The following KCNC4 variants were observed in gnomAD, a reference collection of about 807,000 sequenced individuals.
The protein encoded by KCNC4 is voltage-gated potassium channel KCNC4.
A neutral mutation model predicts 42.8 loss-of-function variants in KCNC4; 23 were observed. The observed-to-expected ratio is 0.54, with a 90% CI of 0.39 to 0.76. The LOEUF (loss-of-function observed/expected upper bound fraction) is 0.76. KCNC4 is among the 30% of genes least tolerant of loss of function. KCNC4 has a pLI of 0.00. For missense variants in KCNC4, 751 were observed against 898.2 expected, an observed-to-expected ratio of 0.84 and a Z score of 2.10; for synonymous variants, 422 against 393.5, an observed-to-expected ratio of 1.07 and a Z score of -0.86.
At chr1:110,242,261 G>GGA (rs1491453760) in exon 4 of KCNC4, 2 of 152,100 alleles carry the variant, frequency 1.3e-5, no homozygotes, top group African/African-American at 4.8e-5. Flanking sequence ...CAGCGGGGGG[G>GGA]GCTATATCCT....
At position 110,210,747 on chromosome 1, in the gene KCNC4, G is replaced by T. The variant is rs868117121; in HGVS notation, c.-753G>T. On this transcript the variant is annotated 5_prime_UTR_variant, in exon 1 of 4. Coordinates refer to ENST00000438661, the MANE Select transcript of KCNC4 (RefSeq NM_001039574.3). ...GCCCGGTCCGGCGCAGCTCCCAGCC[G>T]CGGACGCAGGACCCGAGGCTCGCTC... 1.3e-5 allele frequency among the ~76,000 whole-genome samples: 2 copies of T among 151,592 alleles called. No individual in the cohort carries two copies. Among genetic ancestry groups the T allele is most frequent in the African/African-American group, 4.8e-5 (2 of 41,442 alleles).
Position 110,210,454 on chromosome 1 carries a change from G to A in KCNC4, c.-1046G>A, listed in dbSNP as rs1391147756. Among the ~76,000 whole-genome samples the A allele has an allele frequency of 6.6e-6, 1 of 151,332 alleles. No homozygotes were observed. The highest frequency in any genetic ancestry group is 1.5e-5 in the Non-Finnish European group (1 of 67,740). ...GCGCGCGAGCCAAGGCCGGCGCCCC[G>A]CCCGGAGATGGGCAGACGCGTAGAT... On this transcript the variant is annotated 5_prime_UTR_variant, in exon 1 of 4. Transcript: ENST00000438661.
At chr1:110,256,229 C>T (rs778103084) in intron 1 of KCNC4, among the ~76,000 whole-genome samples, 2 of 152,080 alleles carry the variant, frequency 1.3e-5, no homozygotes, top group South Asian at 2.1e-4. Flanking sequence ...GTTAGACAAG[C>T]GAGATGAAAA....
intron 1 of KCNC4, among the ~76,000 whole-genome samples, chr1:110,279,861 C>T (rs12402414): frequency 0.29 from 40,570 of 141,530 alleles, 6,234 homozygotes; most frequent in Admixed American, 0.42. Flanking sequence ...TGCAGTAGCA[C>T]GATCTCAGCT....
rs779343443 is a variant in KCNC4, at chr1:110,223,937, C to A, written c.1615+37C>A. 2.3e-5 allele frequency: 34 copies of A among 1,497,718 alleles called. No homozygotes were observed. The highest frequency in any genetic ancestry group is 3.1e-5 in the Non-Finnish European group (34 of 1,097,386). The allele number at this position is 1,497,718 out of a possible 1,614,324, so 92.8% of individuals were successfully genotyped here. Reference sequence around the variant, plus strand: ...GGTTGGGAAGGAAAATCCCTTTTCCCCCAGTGGCCTAGGGAGTTTCCAAAT... The same window carrying A: ...GGTTGGGAAGGAAAATCCCTTTTCCACCAGTGGCCTAGGGAGTTTCCAAAT... On this transcript the variant is annotated intron_variant, in intron 2 of 3. Coordinates refer to ENST00000438661, the MANE Select transcript of KCNC4 (RefSeq NM_001039574.3). The surrounding 1 kb of genome is among the most constrained non-coding windows in gnomAD (Gnocchi z 7.5).
At chr1:110,258,683 T>C (rs181788530) in intron 1 of KCNC4, among the ~76,000 whole-genome samples, 2 of 152,372 alleles carry the variant, frequency 1.3e-5, no homozygotes, top group East Asian at 3.9e-4. Flanking sequence ...TCACCTAGGC[T>C]ATGCTGCTTT....
Position 110,226,065 on chromosome 1 carries a change from A to C in KCNC4, c.1706A>C (p.Glu569Ala). ...CCCCTGGCCTCCTCCCCGACCCCCG[A>C]GGAGCGCCGGGCCCTGCGACGCTCC... Reference protein sequence around the residue: ...TQPLASSPTPEERRALRRSTT... With the variant: ...TQPLASSPTPAERRALRRSTT... The change falls in exon 3 of 4, where the codon GAG becomes GCG. Residue 569 changes from glutamate to alanine, a missense_variant. Physicochemically the swap from Glu to Ala is moderately radical, Grantham distance 107. Around this residue, in one of 4 missense-constraint regions of KCNC4, gnomAD observed 202 missense variants for 181.5 expected, o/e 1.11. Coordinates refer to ENST00000438661, the MANE Select transcript of KCNC4 (RefSeq NM_001039574.3). 1 of 1,613,900 alleles carries C rather than the reference A, an allele frequency of 6.2e-7. No homozygotes were observed. Among genetic ancestry groups the C allele is most frequent in the Non-Finnish European group, 8.5e-7 (1 of 1,179,888 alleles).
chr1:110,232,466 A>G, intron 3 of KCNC4: 1 of 1,455,122 alleles, frequency 6.9e-7, no homozygotes, highest in South Asian at 1.4e-5. Context: ...CCTGTGAGCC[A>G]CAGGCCACAT....
downstream of KCNC4, among the ~76,000 whole-genome samples, chr1:110,250,067 C>A (rs1239348838): frequency 6.6e-6 from 1 of 152,252 alleles, no homozygotes; most frequent in Non-Finnish European, 1.5e-5. Context: ...TAGTCTCTGA[C>A]AACAGGAATG....
In KCNC4 at chr1:110,214,422, G is replaced by A. The variant is rs140711929; in HGVS notation, c.678+2245G>A. 2.1e-3 allele frequency among the ~76,000 whole-genome samples: 324 copies of A among 152,260 alleles called. 1 individual carries two copies. Among genetic ancestry groups the A allele is most frequent in the African/African-American group, 7.5e-3 (313 of 41,536 alleles). On this transcript the variant is annotated intron_variant, in intron 1 of 3. Coordinates refer to ENST00000438661, the MANE Select transcript of KCNC4 (RefSeq NM_001039574.3). ...CTCCTGCTCAGGAGCCCAGGCAAAG[G>A]CAACCCTCACCTGCTCCCGGGACAC... is the stretch of plus-strand genomic sequence containing the variant.
In KCNC4 at chr1:110,215,062, G is replaced by A. The variant is rs138435310; in HGVS notation, c.678+2885G>A. 3.3e-3 allele frequency among the ~76,000 whole-genome samples: 509 copies of A among 152,406 alleles called. 3 individuals carry two copies. The highest frequency in any genetic ancestry group is 0.011 in the African/African-American group (472 of 41,606). On this transcript the variant is annotated intron_variant, in intron 1 of 3. Transcript: ENST00000438661. Reference sequence around the variant, plus strand: ...CACTGTGGGGTGGTGGGCGAAGAGGGAGAGAGGAGCAGTGCTCTGCCCTGA... The same window carrying A: ...CACTGTGGGGTGGTGGGCGAAGAGGAAGAGAGGAGCAGTGCTCTGCCCTGA...
chr1:110,220,722 G>A (rs933996503), intron 1 of KCNC4: 2 of 152,144 alleles, frequency 1.3e-5, no homozygotes, highest in African/African-American at 2.4e-5. Flanking sequence ...GCATGGCCAC[G>A]GCCACGGACA....
intron 1 of KCNC4, among the ~76,000 whole-genome samples, chr1:110,273,875 A>G (rs1659675177): frequency 6.6e-6 from 1 of 152,184 alleles, no homozygotes; most frequent in South Asian, 2.1e-4. Flanking sequence ...CAAATTTCAG[A>G]GTCTGCACTG....
At chr1:110,228,307 CAAG>C (rs1440774612) in intron 3 of KCNC4, among the ~76,000 whole-genome samples, 2 of 152,092 alleles carry the variant, frequency 1.3e-5, no homozygotes, top group African/African-American at 4.8e-5. Context: ...GCTGGGCTAT[CAAG>C]GAGCTGGTGG....
intron 1 of KCNC4, among the ~76,000 whole-genome samples, chr1:110,270,518 G>A (rs1358915467): frequency 6.6e-6 from 1 of 152,182 alleles, no homozygotes; most frequent in Non-Finnish European, 1.5e-5. Context: ...TAGGCACTGC[G>A]AGTCTTACAA....
At chr1:110,229,704 G>A (rs1182016596) in intron 3 of KCNC4, among the ~76,000 whole-genome samples, 1 of 152,148 alleles carries the variant, frequency 6.6e-6, no homozygotes, top group Non-Finnish European at 1.5e-5. Context: ...GGTGAGCAGG[G>A]GTACACCTTG....
chr1:110,280,999 C>T (rs796179392), intron 1 of KCNC4, among the ~76,000 whole-genome samples: 107 of 152,276 alleles, frequency 7.0e-4, no homozygotes, highest in African/African-American at 2.5e-3. Context: ...AGGACAGGAC[C>T]GTGAGCATCC....
exon 4 of KCNC4, chr1:110,242,116 C>T (rs1004036709): frequency 6.6e-6 from 1 of 152,438 alleles, no homozygotes; most frequent in Non-Finnish European, 1.5e-5. Flanking sequence ...CAAGTCTCCT[C>T]TCACCCACGC....
intron 1 of KCNC4, among the ~76,000 whole-genome samples, chr1:110,215,486 C>A (rs745964032): frequency 6.6e-6 from 1 of 152,230 alleles, no homozygotes; most frequent in Non-Finnish European, 1.5e-5. Context: ...GATGCCCTTC[C>A]CCTACCCTAG....
Sources: gnomAD v4.1 joint callset for allele counts (sites outside exome capture counted in the v4.1 genomes callset) on GRCh38, gnomAD v4.1.1 for gene constraint, gnomAD v4.1.1 regional missense constraint, Gnocchi (gnomAD v3.1) non-coding constraint, MANE v1.5 for transcripts, NCBI Gene and HGNC (gene_info 2026-07-23, HGNC 2026-07-21) for gene names.